Variants in CELF4 observed in about 807,000 individuals in gnomAD.
CELF4 encodes CUGBP Elav-like family member 4, also known as CUG-BP- and ETR-3-like factor 4.
CELF4 carries 18 observed loss-of-function variants against 59.9 expected under a neutral mutation model. The ratio of observed to expected loss-of-function variants is 0.30; its 90% confidence interval spans 0.21 to 0.45. The LOEUF (loss-of-function observed/expected upper bound fraction) is 0.45, where lower values mean the gene tolerates loss of function less well. CELF4 is among the 20% of genes least tolerant of loss of function. The pLI is 1.00. For synonymous variants in CELF4, 261 were observed against 267.1 expected, an observed-to-expected ratio of 0.98 and a Z score of 0.22; for missense variants, 456 against 689.0, an observed-to-expected ratio of 0.66 and a Z score of 3.79.
chr18:37,443,658 A>G (rs1210397747), intron 2 of CELF4, among the ~76,000 whole-genome samples: 1 of 152,082 alleles, frequency 6.6e-6, no homozygotes, highest in Non-Finnish European at 1.5e-5. Flanking sequence ...TTCCCTGCCC[A>G]CATCTTCATT....
chr18:37,267,596 A>T (rs1267114681), intron 8 of CELF4, among the ~76,000 whole-genome samples: 1 of 152,156 alleles, frequency 6.6e-6, no homozygotes, highest in Non-Finnish European at 1.5e-5. Context: ...TGGCAGGAAG[A>T]AACTATCTGG....
At chr18:37,418,890 T>C (rs949914360) in intron 2 of CELF4, among the ~76,000 whole-genome samples, 4 of 152,212 alleles carry the variant, frequency 2.6e-5, no homozygotes, top group African/African-American at 9.6e-5. Flanking sequence ...GCTTTCTGTC[T>C]GAGCAAAGGT....
chr18:37,402,900 C>T (rs924853224), intron 2 of CELF4, among the ~76,000 whole-genome samples: 3 of 152,192 alleles, frequency 2.0e-5, no homozygotes, highest in African/African-American at 4.8e-5. Context: ...GGCCCTTCTC[C>T]CCCAGCCTTC....
intron 8 of CELF4, among the ~76,000 whole-genome samples, chr18:37,267,472 G>A (rs2078219335): frequency 1.3e-5 from 2 of 152,186 alleles, no homozygotes; most frequent in Non-Finnish European, 1.5e-5. Flanking sequence ...GGCTGGTGGT[G>A]ACTAATGTGG....
chr18:37,353,056 C>A (rs2098479645), intron 2 of CELF4, among the ~76,000 whole-genome samples: 1 of 151,736 alleles, frequency 6.6e-6, no homozygotes, highest in African/African-American at 2.4e-5. Context: ...CCTGTCTCTA[C>A]TAAAAATACA....
At chr18:37,448,750 C>T (rs1208532014) in intron 2 of CELF4, among the ~76,000 whole-genome samples, 1 of 152,246 alleles carries the variant, frequency 6.6e-6, no homozygotes, top group Non-Finnish European at 1.5e-5. Flanking sequence ...CTCTGCGCTT[C>T]CCAAGAAGTG....
intron 3 of CELF4, among the ~76,000 whole-genome samples, chr18:37,312,110 C>CAAAAAAAAAAAAA (rs59872500): frequency 9.9e-5 from 5 of 50,734 alleles, no homozygotes; most frequent in African/African-American, 2.2e-4. Flanking sequence ...GATTCCGTCT[C>CAAAAAAAAAAAAA]AAAAAAAAAA....
intron 3 of CELF4, among the ~76,000 whole-genome samples, chr18:37,294,199 T>C (rs1219722268): frequency 6.6e-6 from 1 of 152,218 alleles, no homozygotes; most frequent in East Asian, 1.9e-4. Flanking sequence ...GAGATGTCTT[T>C]GGATTTTGAA....
At chr18:37,339,055 G>A (rs745526614) in intron 2 of CELF4, among the ~76,000 whole-genome samples, 28 of 152,278 alleles carry the variant, frequency 1.8e-4, no homozygotes, top group African/African-American at 5.1e-4. Context: ...GAGCTGATGC[G>A]GGCTGTGTGG....
At chr18:37,390,818 T>C (rs1347746238) in intron 2 of CELF4, among the ~76,000 whole-genome samples, 3 of 134,770 alleles carry the variant, frequency 2.2e-5, no homozygotes, top group African/African-American at 8.4e-5. Flanking sequence ...GGGGGGGCAG[T>C]GCTGCTGGCC....
At position 37,291,669 on chromosome 18, in the gene CELF4, A is replaced by C. The variant is rs186324479; in HGVS notation, c.449-16426T>G. 2.0e-3 allele frequency among the ~76,000 whole-genome samples: 302 copies of C among 152,234 alleles called. 1 individual carries two copies. The highest frequency in any genetic ancestry group is 4.1e-3 in the Admixed American group (63 of 15,298). On this transcript the variant is annotated intron_variant, in intron 3 of 12. Transcript: ENST00000420428. ...TTTTTAGAATCCTTTTGATTTGTAG[A>C]ATCCTTTCAGCAGCTGCTCACAGGG...
intron 2 of CELF4, among the ~76,000 whole-genome samples, chr18:37,448,259 G>A (rs930563671): frequency 3.3e-5 from 5 of 152,166 alleles, no homozygotes; most frequent in African/African-American, 9.7e-5. Flanking sequence ...CCTGAAGCCC[G>A]GGCAGTTCTC....
chr18:37,464,684 G>C lies in CELF4; in HGVS notation c.369+20841C>G, dbSNP rs150008978. On this transcript the variant is annotated intron_variant, in intron 2 of 12. Transcript: ENST00000420428. ...AGCCCCTGGCACTCTGTGGGTCATG[G>C]AGCAGCCCTGCCAGGGGAGGCATCT... Among the ~76,000 whole-genome samples the C allele has an allele frequency of 1.5e-3, 224 of 152,192 alleles. 1 individual carries two copies. Among genetic ancestry groups the C allele is most frequent in the African/African-American group, 5.2e-3 (216 of 41,528 alleles).
intron 1 of CELF4, among the ~76,000 whole-genome samples, chr18:37,559,497 T>G (rs180852601): frequency 6.6e-6 from 1 of 152,294 alleles, no homozygotes; most frequent in East Asian, 1.9e-4. Flanking sequence ...TAGCTGGCAT[T>G]TTGACCCTAC....
At chr18:37,359,028 G>A (rs1181388074) in intron 2 of CELF4, among the ~76,000 whole-genome samples, 1 of 152,204 alleles carries the variant, frequency 6.6e-6, no homozygotes, top group Admixed American at 6.5e-5. Context: ...AACTCAGGAG[G>A]TGGAGGTTGT....
intron 1 of CELF4, among the ~76,000 whole-genome samples, chr18:37,530,250 T>G (rs1260599005): frequency 1.3e-5 from 2 of 152,172 alleles, no homozygotes; most frequent in African/African-American, 4.8e-5. Context: ...CTATCAGGCT[T>G]TTGCAATGAT....
At chr18:37,485,692 C>T (rs2099879747) in intron 1 of CELF4, 85 bp from the exon 2 acceptor site, 2 of 800,186 alleles carry the variant, frequency 2.5e-6, no homozygotes, top group South Asian at 3.8e-5. Flanking sequence ...CTCCAGGCTC[C>T]CGCCCCTCCC....
intron 2 of CELF4, among the ~76,000 whole-genome samples, chr18:37,372,692 A>G (rs1428109863): frequency 2.6e-5 from 4 of 152,210 alleles, no homozygotes; most frequent in Non-Finnish European, 5.9e-5. Flanking sequence ...GGAAACAACC[A>G]TTTATAAACA....
chr18:37,538,101 C>G (rs1189450204), intron 1 of CELF4, among the ~76,000 whole-genome samples: 5 of 152,200 alleles, frequency 3.3e-5, no homozygotes, highest in Non-Finnish European at 7.3e-5. Flanking sequence ...CTCGCCGCAT[C>G]GGGCGGACCT....
Sources: gnomAD v4.1 joint callset for allele counts (sites outside exome capture counted in the v4.1 genomes callset) on GRCh38, gnomAD v4.1.1 for gene constraint, MANE v1.5 for transcripts, NCBI Gene and HGNC (gene_info 2026-07-23, HGNC 2026-07-21) for gene names.